MSLN: variants seen among roughly 807,000 people sequenced by gnomAD.
MSLN encodes the protein mesothelin.
Under a neutral mutation model 72.6 loss-of-function variants are expected in MSLN, and 82 were observed. That is an observed-to-expected ratio of 1.13 (90% CI 0.94 to 1.36). The LOEUF is 1.36. MSLN is among the 40% of genes most tolerant of loss of function. MSLN has a pLI of 0.00. For synonymous variants in MSLN, 456 were observed against 387.3 expected (o/e 1.18, Z -2.08); for missense variants, 1,005 against 847.9 (o/e 1.19, Z -2.30).
chr16:763,030 C>T (rs1008891525), intron 3 of MSLN, among the ~76,000 whole-genome samples: 2 of 152,146 alleles, frequency 1.3e-5, no homozygotes, highest in Non-Finnish European at 2.9e-5. Flanking sequence ...TGTGGAAGGC[C>T]GGGCTCCCTG....
chr16:764,560 TGTG>T lies in MSLN; in HGVS notation c.301-82_301-80del, dbSNP rs2041578316. The T allele has an allele frequency of 2.4e-5, 26 of 1,089,928 alleles. No homozygotes were observed. In the South Asian group the frequency reaches 2.9e-4, roughly 12 times the overall value. The allele number at this position is 1,089,928 out of a possible 1,614,324, so 67.5% of individuals were successfully genotyped here. A position where few individuals can be genotyped will look rare whatever the true frequency, so the allele number is the denominator to read the frequency against. On this transcript the variant is annotated intron_variant, in intron 6 of 17. Transcript: ENST00000545450. Reference sequence around the variant, plus strand: ...TCTCGTGGCCAGGGCAGGGGTGTGTTGTGGTGGGCAGACTGGCCAGGCGACCCT... The same window carrying T: ...TCTCGTGGCCAGGGCAGGGGTGTGTTGTGGGCAGACTGGCCAGGCGACCCT...
chr16:765,298 CT>C lies in MSLN; in HGVS notation c.700del (p.Tyr234ThrfsTer78). On this transcript the variant is annotated frameshift_variant, in exon 9 of 18. Transcript: ENST00000545450. LOFTEE classifies it high-confidence loss of function. Reference sequence around the variant, plus strand: ...CGGCTCTGCAGGGCGGGGGACCCCCCTACGGGTAAGTGAAGGTGTCTGGAAC... The same window carrying C: ...CGGCTCTGCAGGGCGGGGGACCCCCCACGGGTAAGTGAAGGTGTCTGGAAC... The part of the protein sequence containing the change: ...RAALQGGGPP[Y>X]GPPSTWSVST... 1 of 1,571,260 alleles carries C rather than the reference CT, an allele frequency of 6.4e-7. No homozygotes were observed. The highest frequency in any genetic ancestry group is 8.6e-7 in the Non-Finnish European group (1 of 1,164,806).
intron 6 of MSLN, 96 bp from the exon 7 acceptor site, chr16:764,551 G>A (rs1285394389): frequency 4.9e-6 from 5 of 1,017,284 alleles, no homozygotes; most frequent in Non-Finnish European, 6.2e-6. Flanking sequence ...GGCCAGGGCA[G>A]GGGTGTGTTG....
rs1567356621 is a variant in MSLN at position 764,727 on chromosome 16, G to C, written c.380+1G>C. 1.2e-6 allele frequency: 2 copies of C among 1,609,506 alleles called. No individual in the cohort carries two copies. The highest frequency in any genetic ancestry group is 1.7e-6 in the Non-Finnish European group (2 of 1,178,044). ...CATTGGACCTGCTGCTATTCCTCAA[G>C]TAGGCCCTGCCCCCTGAACCCACCC... On this transcript the variant is annotated splice_donor_variant, in intron 7 of 17. Coordinates refer to ENST00000545450, the MANE Select transcript of MSLN (RefSeq NM_005823.6). LOFTEE classifies it high-confidence loss of function.
rs116190353 is a variant in MSLN, at chr16:761,904, C to G, written c.-10+730C>G. Among the ~76,000 whole-genome samples the G allele has an allele frequency of 7.7e-3, 1,178 of 152,342 alleles. 19 individuals carry two copies. The highest frequency in any genetic ancestry group is 0.027 in the African/African-American group (1,123 of 41,572). ...CTCTATTCTACTCCGCCATGGTGGC[C>G]TCCCTGAAAGGGGTGAGTGTAGAAG... On this transcript the variant is annotated intron_variant, in intron 2 of 17. Transcript: ENST00000545450.
At chr16:768,863 C>G (rs774580267), downstream of MSLN, 2 of 859,252 alleles carry the variant, frequency 2.3e-6, no homozygotes, top group Non-Finnish European at 3.7e-6. Flanking sequence ...CCTGCAGACA[C>G]GTCTTGTGGC....
rs534641616 is a variant in MSLN, at chr16:766,027, C to A, written c.896-32C>A. The A allele has an allele frequency of 2.6e-6, 4 of 1,566,972 alleles. No individual in the cohort carries two copies. In the Admixed American group the frequency reaches 5.4e-5, roughly 21 times the overall value. On this transcript the variant is annotated intron_variant, in intron 11 of 17. Coordinates refer to ENST00000545450, the MANE Select transcript of MSLN (RefSeq NM_005823.6). ...GAGGAAGAAGGGGTCAAACGAACTC[C>A]GGCCCTGACCCCTGACCCCTGTGCC...
intron 11 of MSLN, 99 bp downstream of exon 11, chr16:765,889 G>A: frequency 2.9e-6 from 4 of 1,359,020 alleles, no homozygotes; most frequent in Non-Finnish European, 4.0e-6. Context: ...TGGCTCTGCA[G>A]CACATCCCAT....
In MSLN at chr16:765,116, C is replaced by G. The variant is rs374095221; in HGVS notation, c.517C>G (p.Arg173Gly). Residue 173 changes from arginine to glycine, a missense_variant, in exon 9 of 18, where the codon CGG becomes GGG. Physicochemically the swap from Arg to Gly is moderately radical, Grantham distance 125. Transcript: ENST00000545450. The stretch of plus-strand genomic sequence containing the variant: ...GAGGCCAGCCTCTCTGCAGGGTGTG[C>G]GGGGGTCTCTGCTGAGCGAGGCTGA... ...LPAALACWGV[R>G]GSLLSEADVR... 6.2e-7 allele frequency: 1 copy of G among 1,604,160 alleles called. No homozygotes were observed. The highest frequency in any genetic ancestry group is 8.5e-7 in the Non-Finnish European group (1 of 1,177,458).
Position 765,808 on chromosome 16 carries a change from C to T in MSLN, c.895+18C>T, listed in dbSNP as rs201131234. ...AGTGGAGAGTGAGTGCCGTGCCCTG[C>T]GCAGTCTGGCACCAGGCTGGGCAGC... On this transcript the variant is annotated intron_variant, in intron 11 of 17. Transcript: ENST00000545450. The T allele has an allele frequency of 1.3e-4, 209 of 1,592,288 alleles. 1 individual carries two copies. The South Asian group carries it at 1.7e-3, about 13-fold the overall frequency.
chr16:766,755 T>A lies in MSLN; in HGVS notation c.1318T>A (p.Tyr440Asn), dbSNP rs1482107746. The change falls in exon 14 of 18, where the codon TAC (tyrosine) becomes AAC (asparagine). Residue 440 changes from tyrosine to asparagine, a missense_variant. By Grantham distance (143) the Tyr-to-Asn change is moderately radical (BLOSUM62 -2). Coordinates refer to ENST00000545450, the MANE Select transcript of MSLN (RefSeq NM_005823.6). ...CACCCTGACCGCCTTCTACCCTGGG[T>A]ACCTGTGCTCCCTCAGCCCCGAGGA... ...LDTLTAFYPGYLCSLSPEELS... is the reference protein window; with the variant it reads ...LDTLTAFYPGNLCSLSPEELS... The A allele has an allele frequency of 6.2e-7, 1 of 1,612,584 alleles. No individual in the cohort carries two copies. The highest frequency in any genetic ancestry group is 2.2e-5 in the East Asian group (1 of 44,852).
In MSLN at chr16:768,785, A is replaced by C; in HGVS notation, c.*52A>C. 2 of 1,573,722 alleles carry C rather than the reference A, an allele frequency of 1.3e-6. No homozygotes were observed. Among genetic ancestry groups the C allele is most frequent in the South Asian group, 1.1e-5 (1 of 90,344 alleles). ...CCCTGCTGGGGATCCCCGCCTGGCC[A>C]GGAGCAGGCACGGGTGGTCCCCGTT... On this transcript the variant is annotated 3_prime_UTR_variant, in exon 18 of 18. Coordinates refer to ENST00000545450, the MANE Select transcript of MSLN (RefSeq NM_005823.6).
chr16:763,575 C>T (rs1032651498), intron 4 of MSLN, 67 bp from the exon 5 acceptor site: 43 of 1,478,730 alleles, frequency 2.9e-5, no homozygotes, highest in African/African-American at 2.2e-4. Context: ...CCAGGGGTAG[C>T]GGGACCTGGG....
Position 766,231 on chromosome 16 carries a change from G to A in MSLN, c.1068G>A (p.Leu356=), listed in dbSNP as rs1288055015. ...YEQLDVLKHK[L]DELYPQGYPE... is the part of the protein sequence containing the mutation. Reference sequence around the variant, plus strand: ...AGCTGGACGTCCTAAAGCATAAACTGGATGAGGTAGTTCATGACTCAAGTT... The same window carrying A: ...AGCTGGACGTCCTAAAGCATAAACTAGATGAGGTAGTTCATGACTCAAGTT... Residue 356 remains leucine, a synonymous_variant, in exon 12 of 18, where the codon CTG becomes CTA. Transcript: ENST00000545450. 9.9e-6 allele frequency: 16 copies of A among 1,609,588 alleles called. No individual in the cohort carries two copies. Among genetic ancestry groups the A allele is most frequent in the Non-Finnish European group, 1.4e-5 (16 of 1,177,220 alleles).
chr16:763,167 C>T (rs2041557755), intron 3 of MSLN, 66 bp from the exon 4 acceptor site: 4 of 1,109,116 alleles, frequency 3.6e-6, no homozygotes, highest in African/African-American at 1.6e-5. Flanking sequence ...CCTCCTTCCT[C>T]CCCTGGGTCA....
At position 766,475 on chromosome 16, in the gene MSLN, C is replaced by G. The variant is rs544290639; in HGVS notation, c.1215C>G (p.His405Gln). ...LKALLEVNKG[H>Q]EMSPQVATLI... is the part of the protein sequence containing the mutation. ...CTTTGCTTGAAGTCAACAAAGGGCA[C>G]GAAATGAGTCCTCAGGTGACCGTCC... Residue 405 changes from histidine to glutamine, a missense_variant, in exon 13 of 18, where the codon CAC (histidine) becomes CAG (glutamine). By Grantham distance (24) the His-to-Gln change is conservative. Transcript: ENST00000545450. 5 of 1,612,554 alleles carry G rather than the reference C, an allele frequency of 3.1e-6. No individual in the cohort carries two copies. The African/African-American group carries it at 4.0e-5, about 13-fold the overall frequency.
intron 11 of MSLN, 111 bp from the exon 12 acceptor site, chr16:765,948 G>A: frequency 7.4e-7 from 1 of 1,350,020 alleles, no homozygotes; most frequent in Non-Finnish European, 1.0e-6. Flanking sequence ...TGGGTAAACT[G>A]AGGCACAGGG....
rs375428994 is a variant in MSLN, at chr16:764,034, G to A, written c.191G>A (p.Arg64His). 13 of 1,601,558 alleles carry A rather than the reference G, an allele frequency of 8.1e-6. No homozygotes were observed. Among genetic ancestry groups the A allele is most frequent in the African/African-American group, 1.3e-5 (1 of 74,872 alleles). ...NPPNISSLSP[R>H]QLLGFPCAEV... Reference sequence around the variant, plus strand: ...GACCCTTCCTGCAGCCTCTCCCCTCGCCAACTCCTTGGCTTCCCGTGTGCG... The same window carrying A: ...GACCCTTCCTGCAGCCTCTCCCCTCACCAACTCCTTGGCTTCCCGTGTGCG... The change falls in exon 6 of 18, where the codon CGC becomes CAC. Residue 64 changes from arginine (R) to histidine (H), a missense_variant. By Grantham distance (29) the Arg-to-His change is conservative. Coordinates refer to ENST00000545450, the MANE Select transcript of MSLN (RefSeq NM_005823.6).
intron 6 of MSLN, 152 bp from the exon 7 acceptor site, chr16:764,495 G>T (rs1404571574): frequency 1.3e-6 from 1 of 784,406 alleles, no homozygotes; most frequent in East Asian, 2.5e-5. Context: ...CCATCCCCCA[G>T]GGCAGCGCTG....
Sources: gnomAD v4.1 joint callset for allele counts (sites outside exome capture counted in the v4.1 genomes callset) on GRCh38, gnomAD v4.1.1 for gene constraint, MANE v1.5 for transcripts, NCBI Gene and HGNC (gene_info 2026-07-23, HGNC 2026-07-21) for gene names.